KIRREL3: variants seen among roughly 807,000 people sequenced by gnomAD.
KIRREL3 encodes kirre like nephrin family adhesion molecule 3.
In KIRREL3, 36 loss-of-function variants were observed where a neutral mutation model predicts 89.7. The ratio of observed to expected loss-of-function variants is 0.40; its 90% confidence interval spans 0.31 to 0.53. The LOEUF (loss-of-function observed/expected upper bound fraction) is 0.53, where lower values mean the gene tolerates loss of function less well. Ranked by LOEUF, KIRREL3 falls within the 20% of genes least tolerant of loss-of-function variation. The pLI is 0.49. For synonymous variants in KIRREL3, 445 were observed against 441.4 expected (o/e 1.01, Z -0.10); for missense variants, 864 against 1,056.6 (o/e 0.82, Z 2.53).
rs1359728965 is a variant in KIRREL3, at chr11:126,999,553, G to C, written c.55+902C>G. 6.6e-6 allele frequency among the ~76,000 whole-genome samples: 1 copy of C among 152,194 alleles called. No individual in the cohort carries two copies. Among genetic ancestry groups the C allele is most frequent in the East Asian group, 1.9e-4 (1 of 5,202 alleles). ...CACAAATGCAGCCTCAGATGGCAGA[G>C]GTGCATTGGCATTCCAAAAGAGCGG... On this transcript the variant is annotated intron_variant, in intron 1 of 16. Coordinates refer to ENST00000525144, the MANE Select transcript of KIRREL3 (RefSeq NM_032531.4). The surrounding 1 kb of genome is among the most constrained non-coding windows in gnomAD (Gnocchi z 5.7).
rs1295472737 is a variant in KIRREL3, at chr11:126,594,319, T to C, written c.56-31407A>G. ...TGGCGTACTGTGATTTTTTTGTTGT[T>C]GCTATGGTCCTTTCTACCTGGATGA... On this transcript the variant is annotated intron_variant, in intron 1 of 16. Coordinates refer to ENST00000525144, the MANE Select transcript of KIRREL3 (RefSeq NM_032531.4). The surrounding 1 kb of genome is among the most constrained non-coding windows in gnomAD (Gnocchi z 5.0). Among the ~76,000 whole-genome samples the C allele has an allele frequency of 1.3e-5, 2 of 152,170 alleles. No individual in the cohort carries two copies. Among genetic ancestry groups the C allele is most frequent in the African/African-American group, 4.8e-5 (2 of 41,424 alleles).
chr11:126,660,688 G>A (rs952751722), intron 1 of KIRREL3, among the ~76,000 whole-genome samples: 1 of 152,104 alleles, frequency 6.6e-6, no homozygotes, highest in Non-Finnish European at 1.5e-5. Flanking sequence ...AAGCAATCTT[G>A]TTCAGCATGT....
At chr11:126,465,094 C>A (rs1956678569) in intron 5 of KIRREL3, among the ~76,000 whole-genome samples, 1 of 152,048 alleles carries the variant, frequency 6.6e-6, no homozygotes, top group Admixed American at 6.5e-5. Context: ...GGTGCACTTC[C>A]AGGTTGGGAT....
intron 1 of KIRREL3, among the ~76,000 whole-genome samples, chr11:126,971,254 T>G (rs2135214252): frequency 6.6e-6 from 1 of 152,322 alleles, no homozygotes; most frequent in African/African-American, 2.4e-5. Flanking sequence ...CAAGGTATGC[T>G]TCTGATTCTT....
intron 1 of KIRREL3, among the ~76,000 whole-genome samples, chr11:126,862,040 G>A (rs1004662526): frequency 2.6e-5 from 4 of 152,188 alleles, no homozygotes; most frequent in African/African-American, 4.8e-5. Context: ...AGCAGTTAGC[G>A]GCCCTGAGGA....
intron 8 of KIRREL3, 138 bp downstream of exon 8, chr11:126,448,871 G>T: frequency 1.2e-6 from 1 of 845,822 alleles, no homozygotes. Context: ...ACCAGCTTTC[G>T]TCGAGTGCAA....
At chr11:126,469,890 C>T (rs752632369) in intron 5 of KIRREL3, among the ~76,000 whole-genome samples, 79 of 152,226 alleles carry the variant, frequency 5.2e-4, no homozygotes, top group Admixed American at 1.8e-3. Flanking sequence ...TCTTCCGGAG[C>T]GTCTGATCCA....
In KIRREL3 at chr11:126,477,418, G is replaced by A. The variant is rs1489671194; in HGVS notation, c.434-3952C>T. Among the ~76,000 whole-genome samples the A allele has an allele frequency of 6.6e-6, 1 of 152,148 alleles. No homozygotes were observed. Among genetic ancestry groups the A allele is most frequent in the Non-Finnish European group, 1.5e-5 (1 of 68,034 alleles). ...CCAAGTTCTGCTGCCAAAGACAATG[G>A]GGTCTCGGGTGGACAGGTGGCATGG... On this transcript the variant is annotated intron_variant, in intron 4 of 16. Coordinates refer to ENST00000525144, the MANE Select transcript of KIRREL3 (RefSeq NM_032531.4). The surrounding 1 kb of genome is among the most constrained non-coding windows in gnomAD (Gnocchi z 4.8).
chr11:126,741,750 GT>G, intron 1 of KIRREL3, among the ~76,000 whole-genome samples: 1 of 152,352 alleles, frequency 6.6e-6, no homozygotes, highest in Non-Finnish European at 1.5e-5. Flanking sequence ...GGAGATTGTA[GT>G]TCAGTAGGTC....
intron 1 of KIRREL3, among the ~76,000 whole-genome samples, chr11:126,959,306 T>C (rs1411722628): frequency 6.6e-6 from 1 of 152,268 alleles, no homozygotes; most frequent in Non-Finnish European, 1.5e-5. Context: ...CTAGTCTATC[T>C]CTGTATTATC....
At position 126,557,159 on chromosome 11, in the gene KIRREL3, G is replaced by A. The variant is rs545471797; in HGVS notation, c.133+5676C>T. ...TCAGGTCCCCAGGCCAAGGACCCTG[G>A]CCTGCTGCTTCCCCTCTGCCCTGAG... On this transcript the variant is annotated intron_variant, in intron 2 of 16. Transcript: ENST00000525144. The surrounding 1 kb of genome is among the most constrained non-coding windows in gnomAD (Gnocchi z 5.6). Among the ~76,000 whole-genome samples the A allele has an allele frequency of 2.0e-5, 3 of 152,286 alleles. No individual in the cohort carries two copies. The highest frequency in any genetic ancestry group is 3.9e-4 in the East Asian group (2 of 5,182).
rs138112843 is a variant in KIRREL3 at position 126,430,137 on chromosome 11, C to CAAAAAAAAAA, written c.1697-859_1697-850dup. 3.9e-5 allele frequency among the ~76,000 whole-genome samples: 5 copies of CAAAAAAAAAA among 127,672 alleles called. No homozygotes were observed. Among genetic ancestry groups the CAAAAAAAAAA allele is most frequent in the African/African-American group, 1.5e-4 (5 of 33,424 alleles). 83.8% of individuals were successfully genotyped at this position (127,672 alleles called of 152,430 possible). A position where few individuals can be genotyped will look rare whatever the true frequency, so the allele number is the denominator to read the frequency against. On this transcript the variant is annotated intron_variant, in intron 14 of 16. Coordinates refer to ENST00000525144, the MANE Select transcript of KIRREL3 (RefSeq NM_032531.4). This position sits in a 1 kb window ranked among gnomAD's most constrained non-coding sequence, Gnocchi z 6.6. ...TGGGCAACAGGATGAGACTCTGTCT[C>CAAAAAAAAAA]AAAAAAAAAAAAGGAAATTCTTGAG... is the stretch of plus-strand genomic sequence containing the variant.
At chr11:126,863,796 T>C (rs1187013518) in intron 1 of KIRREL3, among the ~76,000 whole-genome samples, 1 of 152,200 alleles carries the variant, frequency 6.6e-6, no homozygotes, top group African/African-American at 2.4e-5. Context: ...GGGGGGATTT[T>C]ACAGGCTTCT....
chr11:126,447,157 A>G (rs1278741799), intron 8 of KIRREL3, among the ~76,000 whole-genome samples: 1 of 152,206 alleles, frequency 6.6e-6, no homozygotes, highest in African/African-American at 2.4e-5. Context: ...GGGCCTGGGA[A>G]GAAGGTGCTG....
At chr11:126,444,930 G>A in intron 10 of KIRREL3, 49 bp downstream of exon 10, 1 of 1,608,168 alleles carries the variant, frequency 6.2e-7, no homozygotes, top group Non-Finnish European at 8.5e-7. Flanking sequence ...AGATGCCTGA[G>A]GTCCTTCTTC....
intron 1 of KIRREL3, among the ~76,000 whole-genome samples, chr11:126,921,963 ATATCTATC>A (rs146200311): frequency 0.13 from 17,848 of 139,754 alleles, 1,170 homozygotes; most frequent in African/African-American, 0.13. Context: ...CTGTATATCT[ATATCTATC>A]TATCTATCTA....
intron 1 of KIRREL3, among the ~76,000 whole-genome samples, chr11:126,749,393 G>A (rs1039490988): frequency 1.3e-5 from 2 of 152,058 alleles, no homozygotes; most frequent in Non-Finnish European, 2.9e-5. Context: ...TCCGACTTGC[G>A]TGGTTCAAGT....
In KIRREL3 at chr11:126,615,479, G is replaced by T. The variant is rs1178496074; in HGVS notation, c.56-52567C>A. On this transcript the variant is annotated intron_variant, in intron 1 of 16. Coordinates refer to ENST00000525144, the MANE Select transcript of KIRREL3 (RefSeq NM_032531.4). The surrounding 1 kb of genome is among the most constrained non-coding windows in gnomAD (Gnocchi z 5.4). ...GGAATGGGCAAAATCACAGCCAGTA[G>T]GTAGCAGAGGCTGGATGTGAAATTA... Among the ~76,000 whole-genome samples, 2 of 152,158 alleles carry T rather than the reference G, an allele frequency of 1.3e-5. No individual in the cohort carries two copies. Among genetic ancestry groups the T allele is most frequent in the Non-Finnish European group, 2.9e-5 (2 of 68,022 alleles).
At chr11:126,714,224 G>A (rs1171535779) in intron 1 of KIRREL3, among the ~76,000 whole-genome samples, 1 of 152,210 alleles carries the variant, frequency 6.6e-6, no homozygotes, top group Non-Finnish European at 1.5e-5. Context: ...ACAATACAAT[G>A]ACATAATCAA....
Sources: allele counts gnomAD v4.1 joint callset (sites outside exome capture counted in the v4.1 genomes callset), GRCh38; gene constraint gnomAD v4.1.1; non-coding constraint Gnocchi (gnomAD v3.1); transcripts MANE v1.5; gene names NCBI Gene and HGNC (gene_info 2026-07-23, HGNC 2026-07-21).